Variants in ELMO1 observed in about 807,000 individuals in gnomAD.
The protein encoded by ELMO1 is engulfment and cell motility protein 1.
Under a neutral mutation model 98.9 loss-of-function variants are expected in ELMO1, and 26 were observed. That is an observed-to-expected ratio of 0.26 (90% CI 0.19 to 0.36). The LOEUF is 0.36. Ranked by LOEUF, ELMO1 falls within the 10% of genes least tolerant of loss-of-function variation. The pLI, the probability that ELMO1 is intolerant of heterozygous loss-of-function variation, is 1.00. For missense variants in ELMO1, 627 were observed against 935.2 expected, an observed-to-expected ratio of 0.67 and a Z score of 4.30; for synonymous variants, 346 against 346.0, an observed-to-expected ratio of 1.00 and a Z score of 0.00.
intron 9 of ELMO1, among the ~76,000 whole-genome samples, chr7:37,223,534 G>A (rs1793711399): frequency 6.6e-6 from 1 of 152,296 alleles, no homozygotes; most frequent in African/African-American, 2.4e-5. Flanking sequence ...ATGAGATTAT[G>A]CATGTAAAAT....
In ELMO1 at chr7:37,261,871, G is replaced by A. The variant is rs541298058; in HGVS notation, c.244-2521C>T. Among the ~76,000 whole-genome samples, 5 of 152,264 alleles carry A rather than the reference G, an allele frequency of 3.3e-5. No homozygotes were observed. In the East Asian group the frequency reaches 9.6e-4, roughly 29 times the overall value. The stretch of plus-strand genomic sequence containing the variant: ...CCTGCCTCGGCCTCCCAAAGTGCTG[G>A]GATTACAGGCGTGAGCCACCACGCC... On this transcript the variant is annotated intron_variant, in intron 5 of 21. Transcript: ENST00000310758.
chr7:37,234,626 G>A (rs1189243871), intron 7 of ELMO1, among the ~76,000 whole-genome samples: 4 of 152,154 alleles, frequency 2.6e-5, no homozygotes, highest in African/African-American at 7.2e-5. Context: ...GCCCTAAGTG[G>A]GCAAGTTATG....
intron 1 of ELMO1, among the ~76,000 whole-genome samples, chr7:37,360,887 T>C (rs1290803508): frequency 6.6e-6 from 1 of 152,104 alleles, no homozygotes; most frequent in East Asian, 1.9e-4. Context: ...ACTATGAGAA[T>C]AAGAGTCATG....
intron 14 of ELMO1, among the ~76,000 whole-genome samples, chr7:37,121,085 T>G (rs1785997804): frequency 6.6e-6 from 1 of 151,878 alleles, no homozygotes; most frequent in South Asian, 2.1e-4. Flanking sequence ...GAAGGAAAAC[T>G]AACAAACAGA....
chr7:37,009,852 AATCT>A (rs1269620854), intron 16 of ELMO1, among the ~76,000 whole-genome samples: 1 of 152,216 alleles, frequency 6.6e-6, no homozygotes, highest in Non-Finnish European at 1.5e-5. Flanking sequence ...AAAAACATTA[AATCT>A]ATCAGTAACT....
chr7:37,379,614 A>C (rs527705160), intron 1 of ELMO1, among the ~76,000 whole-genome samples: 1 of 152,232 alleles, frequency 6.6e-6, no homozygotes, highest in Non-Finnish European at 1.5e-5. Context: ...TGAGAGATCA[A>C]AACAGATACC....
chr7:37,218,375 T>A (rs942429589), intron 10 of ELMO1, among the ~76,000 whole-genome samples: 7 of 152,178 alleles, frequency 4.6e-5, no homozygotes, highest in Non-Finnish European at 8.8e-5. Context: ...TGTCTTTTTC[T>A]TTTTTGTATT....
At chr7:36,994,305 T>C (rs2129154822) in intron 16 of ELMO1, among the ~76,000 whole-genome samples, 1 of 152,376 alleles carries the variant, frequency 6.6e-6, no homozygotes, top group African/African-American at 2.4e-5. Context: ...CTATGTAATT[T>C]TTCCTTTGCA....
chr7:37,257,126 G>A (rs372792733), intron 6 of ELMO1, among the ~76,000 whole-genome samples: 1 of 152,150 alleles, frequency 6.6e-6, no homozygotes, highest in Admixed American at 6.5e-5. Flanking sequence ...GTGGTTAAAG[G>A]AGTTGTCTCT....
chr7:37,417,547 C>T (rs1804277172), intron 1 of ELMO1, among the ~76,000 whole-genome samples: 1 of 152,046 alleles, frequency 6.6e-6, no homozygotes, highest in African/African-American at 2.4e-5. Context: ...GCTTGTAGTC[C>T]CAGCTACTCG....
chr7:37,212,875 C>T (rs112561596), intron 12 of ELMO1, among the ~76,000 whole-genome samples: 75 of 152,180 alleles, frequency 4.9e-4, no homozygotes, highest in African/African-American at 1.4e-3. Context: ...AACAGCCAAC[C>T]GACAGAAATG....
At chr7:37,340,930 C>T (rs1385109975) in intron 2 of ELMO1, among the ~76,000 whole-genome samples, 1 of 152,178 alleles carries the variant, frequency 6.6e-6, no homozygotes, top group Non-Finnish European at 1.5e-5. Flanking sequence ...ATTAGAGTCT[C>T]TTGGGATGGG....
At chr7:37,110,598 T>C (rs533892004) in intron 14 of ELMO1, among the ~76,000 whole-genome samples, 5 of 152,264 alleles carry the variant, frequency 3.3e-5, no homozygotes, top group African/African-American at 1.2e-4. Flanking sequence ...TATATATAAG[T>C]ATTGATAAAC....
At chr7:37,315,546 T>G (rs1799109778) in intron 3 of ELMO1, among the ~76,000 whole-genome samples, 1 of 152,252 alleles carries the variant, frequency 6.6e-6, no homozygotes, top group African/African-American at 2.4e-5. Flanking sequence ...CACTGCCTTG[T>G]CTGTTCAATT....
intron 15 of ELMO1, among the ~76,000 whole-genome samples, chr7:37,031,811 ATTC>A (rs765972694): frequency 4.6e-5 from 7 of 152,174 alleles, no homozygotes; most frequent in African/African-American, 1.4e-4. Flanking sequence ...TTCAAAAATT[ATTC>A]TTCTCCTCAC....
chr7:36,890,630 TC>T (rs897225771), intron 17 of ELMO1, among the ~76,000 whole-genome samples: 6 of 152,322 alleles, frequency 3.9e-5, no homozygotes, highest in African/African-American at 1.4e-4. Context: ...AAAATGGATC[TC>T]ATTTTCAGTA....
rs1281674321 is a variant in ELMO1 at position 37,390,808 on chromosome 7, T to C, written c.-73-48045A>G. ...CCAGGTGTTGAGGGCCATGAGCTTATCAGGAGTTTGCACTTTTAGATGAGA... is the reference window on the plus strand; with the variant it reads ...CCAGGTGTTGAGGGCCATGAGCTTACCAGGAGTTTGCACTTTTAGATGAGA... On this transcript the variant is annotated intron_variant, in intron 1 of 21. Transcript: ENST00000310758. Among the ~76,000 whole-genome samples the C allele has an allele frequency of 1.3e-5, 2 of 152,208 alleles. 1 individual carries two copies. Among genetic ancestry groups the C allele is most frequent in the African/African-American group, 4.8e-5 (2 of 41,442 alleles).
intron 14 of ELMO1, among the ~76,000 whole-genome samples, chr7:37,121,256 C>T (rs936283333): frequency 1.4e-4 from 22 of 152,298 alleles, no homozygotes; most frequent in South Asian, 4.1e-4. Context: ...TCACCAGCAA[C>T]GGAACAAAGC....
At chr7:37,368,611 G>T (rs1476621119) in intron 1 of ELMO1, among the ~76,000 whole-genome samples, 2 of 152,046 alleles carry the variant, frequency 1.3e-5, no homozygotes, top group Admixed American at 1.3e-4. Context: ...AGCCCAAAAA[G>T]ATCAACCACC....
Sources: gnomAD v4.1 joint callset for allele counts (sites outside exome capture counted in the v4.1 genomes callset) on GRCh38, gnomAD v4.1.1 for gene constraint, MANE v1.5 for transcripts, NCBI Gene and HGNC (gene_info 2026-07-23, HGNC 2026-07-21) for gene names.